The following TMEM232 variants were observed in gnomAD, a reference collection of about 807,000 sequenced individuals.
TMEM232 encodes the protein transmembrane protein 232.
Under a neutral mutation model 78.8 loss-of-function variants are expected in TMEM232, and 80 were observed. The ratio of observed to expected loss-of-function variants is 1.01; its 90% CI spans 0.85 to 1.22. The LOEUF (loss-of-function observed/expected upper bound fraction) is 1.22. TMEM232 is among the 50% of genes most tolerant of loss of function. The pLI is 0.00. For synonymous variants in TMEM232, 297 were observed against 254.3 expected (o/e 1.17, Z -1.60); for missense variants, 881 against 742.2 (o/e 1.19, Z -2.17).
At chr5:110,542,474 C>T (rs1446724281) in intron 11 of TMEM232, among the ~76,000 whole-genome samples, 7 of 152,104 alleles carry the variant, frequency 4.6e-5, no homozygotes, top group Non-Finnish European at 1.0e-4. Context: ...GTTTCAGGTG[C>T]ACAGACACCA....
intron 10 of TMEM232, among the ~76,000 whole-genome samples, chr5:110,571,205 A>C (rs143351424): frequency 3.9e-5 from 6 of 152,182 alleles, no homozygotes; most frequent in African/African-American, 1.2e-4. Flanking sequence ...AGAAGAGAGA[A>C]TATCTTTTAT....
intron 11 of TMEM232, among the ~76,000 whole-genome samples, chr5:110,566,161 GC>G (rs1197330779): frequency 6.6e-6 from 1 of 151,654 alleles, no homozygotes; most frequent in Non-Finnish European, 1.5e-5. Context: ...TCAGTTCTAT[GC>G]TTTTTATAGT....
chr5:110,707,990 G>A (rs915492076), intron 1 of TMEM232, among the ~76,000 whole-genome samples: 2 of 152,120 alleles, frequency 1.3e-5, no homozygotes, highest in African/African-American at 4.8e-5. Context: ...GAGCCCTTGG[G>A]TTCTAAATAA....
chr5:110,731,925 C>A (rs188008359), intron 2 of TMEM232, among the ~76,000 whole-genome samples: 1 of 152,168 alleles, frequency 6.6e-6, no homozygotes, highest in Admixed American at 6.5e-5. Flanking sequence ...TGCAAATTTT[C>A]TGAACTTTTA....
chr5:110,679,590 T>A (rs963261365), intron 1 of TMEM232, among the ~76,000 whole-genome samples: 1 of 152,198 alleles, frequency 6.6e-6, no homozygotes, highest in Non-Finnish European at 1.5e-5. Flanking sequence ...TAAAAAGTCA[T>A]CACCATATTC....
At chr5:110,438,745 A>T (rs796267251) in intron 12 of TMEM232, among the ~76,000 whole-genome samples, 12 of 152,188 alleles carry the variant, frequency 7.9e-5, no homozygotes, top group African/African-American at 2.9e-4. Context: ...TCAGTTCAAA[A>T]ACGACAGTTT....
chr5:110,602,115 C>G (rs1010134455), intron 10 of TMEM232, among the ~76,000 whole-genome samples: 3 of 152,044 alleles, frequency 2.0e-5, no homozygotes, highest in South Asian at 2.1e-4. Flanking sequence ...GAAACTGGAC[C>G]CCTTACTTAA....
chr5:110,546,990 C>T (rs1043729410), intron 11 of TMEM232, among the ~76,000 whole-genome samples: 1 of 151,146 alleles, frequency 6.6e-6, no homozygotes, highest in Non-Finnish European at 1.5e-5. Flanking sequence ...GAAAAAAAAA[C>T]ACCTCAAATG....
At chr5:110,592,014 C>A (rs562493519) in intron 10 of TMEM232, among the ~76,000 whole-genome samples, 1 of 152,048 alleles carries the variant, frequency 6.6e-6, no homozygotes, top group South Asian at 2.1e-4. Context: ...TGCAGGACAC[C>A]CAGAAAAAAT....
intron 1 of TMEM232, among the ~76,000 whole-genome samples, chr5:110,736,628 C>A (rs1025063653): frequency 6.6e-6 from 1 of 152,098 alleles, no homozygotes; most frequent in East Asian, 1.9e-4. Context: ...CACTATCACT[C>A]GAGATGAAAT....
intron 8 of TMEM232, among the ~76,000 whole-genome samples, chr5:110,616,573 T>C (rs932581613): frequency 1.3e-5 from 2 of 151,768 alleles, no homozygotes; most frequent in African/African-American, 2.4e-5. Flanking sequence ...AGTTAATATA[T>C]AAAATATAGA....
At chr5:110,469,574 T>A (rs1762449116) in intron 12 of TMEM232, among the ~76,000 whole-genome samples, 2 of 152,168 alleles carry the variant, frequency 1.3e-5, no homozygotes. Context: ...GTGCATTCCC[T>A]CCTAGGGAAA....
intron 12 of TMEM232, among the ~76,000 whole-genome samples, chr5:110,434,121 A>T (rs892185747): frequency 6.6e-6 from 1 of 151,616 alleles, no homozygotes; most frequent in Non-Finnish European, 1.5e-5. Flanking sequence ...ATCAGAGCAG[A>T]ACTAAATGAA....
At chr5:110,601,953 A>T (rs572808817) in intron 10 of TMEM232, among the ~76,000 whole-genome samples, 2 of 152,168 alleles carry the variant, frequency 1.3e-5, no homozygotes, top group East Asian at 1.9e-4. Context: ...CAGATATATA[A>T]ACCAGTGGAA....
At chr5:110,623,226 C>T (rs929889705) in intron 7 of TMEM232, among the ~76,000 whole-genome samples, 2 of 149,828 alleles carry the variant, frequency 1.3e-5, no homozygotes, top group Non-Finnish European at 2.9e-5. Flanking sequence ...TTAAGTGGAA[C>T]CCATGCTCAT....
chr5:110,565,689 C>A (rs1323669825), intron 11 of TMEM232, among the ~76,000 whole-genome samples: 12 of 152,046 alleles, frequency 7.9e-5, no homozygotes, highest in Non-Finnish European at 1.5e-5. Context: ...GTATGACAAA[C>A]TTGGTTTAAA....
At chr5:110,631,518 C>T (rs976499704) in intron 5 of TMEM232, among the ~76,000 whole-genome samples, 2 of 152,136 alleles carry the variant, frequency 1.3e-5, no homozygotes, top group Non-Finnish European at 2.9e-5. Flanking sequence ...GATTCTCTCT[C>T]CCCCTCTCCA....
At chr5:110,630,767 G>A (rs1350454253) in intron 5 of TMEM232, among the ~76,000 whole-genome samples, 1 of 152,062 alleles carries the variant, frequency 6.6e-6, no homozygotes, top group East Asian at 1.9e-4. Flanking sequence ...TAATACAGAA[G>A]GGAAGCAAAA....
chr5:110,587,957 A>G (rs532316554), intron 10 of TMEM232, among the ~76,000 whole-genome samples: 1 of 149,320 alleles, frequency 6.7e-6, no homozygotes, highest in African/African-American at 2.5e-5. Context: ...ATATATATAT[A>G]TTTTTTTAAA....
Sources: allele counts gnomAD v4.1 joint callset (sites outside exome capture counted in the v4.1 genomes callset), GRCh38; gene constraint gnomAD v4.1.1; transcripts MANE v1.5; gene names NCBI Gene and HGNC (gene_info 2026-07-23, HGNC 2026-07-21).